Variants in GALNT13 observed in about 807,000 individuals in gnomAD.
The protein encoded by GALNT13 is UDP-GalNAc:polypeptide N-acetylgalactosaminyltransferase 13.
GALNT13 carries 28 observed loss-of-function variants against 64.2 expected under a neutral mutation model. The observed-to-expected ratio is 0.44, with a 90% confidence interval of 0.32 to 0.60. The LOEUF is 0.60. GALNT13 is among the 20% of genes least tolerant of loss of function. The pLI is 0.05. For synonymous variants in GALNT13, 214 were observed against 224.6 expected (o/e 0.95, Z 0.42); for missense variants, 577 against 669.8 (o/e 0.86, Z 1.53).
At chr2:154,140,591 C>A in intron 4 of GALNT13, 86 bp downstream of exon 4, 1 of 906,196 alleles carries the variant, frequency 1.1e-6, no homozygotes, top group Non-Finnish European at 1.7e-6. Context: ...CAGATTATAT[C>A]AATTCTAGCA....
the GALNT13 span, among the ~76,000 whole-genome samples, chr2:153,542,359 C>CACA: frequency 7.2e-5 from 4 of 55,612 alleles, no homozygotes; most frequent in African/African-American, 1.5e-4. Context: ...CACACACACA[C>CACA]AAAAAAAAAA....
chr2:153,711,431 TG>T, the GALNT13 span, among the ~76,000 whole-genome samples: 202 of 152,252 alleles, frequency 1.3e-3, 1 homozygote, highest in Middle Eastern at 6.8e-3. Context: ...CTAGGAACTA[TG>T]CCCAGCCCTT....
At chr2:153,292,499 A>T in the GALNT13 span, among the ~76,000 whole-genome samples, 1 of 152,166 alleles carries the variant, frequency 6.6e-6, no homozygotes, top group Non-Finnish European at 1.5e-5. Flanking sequence ...GACAGGAGGT[A>T]TGGCTTCAAG....
the GALNT13 span, among the ~76,000 whole-genome samples, chr2:153,178,195 C>T: frequency 6.6e-6 from 1 of 152,160 alleles, no homozygotes; most frequent in Non-Finnish European, 1.5e-5. Flanking sequence ...CTTTGACATA[C>T]TGACTTCAAA....
At chr2:153,681,177 G>A in the GALNT13 span, among the ~76,000 whole-genome samples, 2 of 151,792 alleles carry the variant, frequency 1.3e-5, no homozygotes, top group African/African-American at 2.4e-5. Flanking sequence ...TGAGGACAAA[G>A]CCCCAGTCCT....
At chr2:154,342,342 G>C (rs947808283) in intron 9 of GALNT13, among the ~76,000 whole-genome samples, 1 of 151,994 alleles carries the variant, frequency 6.6e-6, no homozygotes, top group African/African-American at 2.4e-5. Flanking sequence ...GAGTTCTTAA[G>C]TCAGCACATA....
intron 9 of GALNT13, among the ~76,000 whole-genome samples, chr2:154,327,953 A>C (rs1388801937): frequency 6.6e-6 from 1 of 152,044 alleles, no homozygotes; most frequent in East Asian, 1.9e-4. Context: ...TTTTCACTTT[A>C]TATTTTGTTA....
intron 4 of GALNT13, among the ~76,000 whole-genome samples, chr2:154,226,875 A>C (rs1324543509): frequency 6.6e-6 from 1 of 152,248 alleles, no homozygotes; most frequent in Non-Finnish European, 1.5e-5. Context: ...ATTTATATTG[A>C]TTTTATATTT....
At chr2:153,873,872 GTC>G (rs72565103) in intron 1 of GALNT13, among the ~76,000 whole-genome samples, 8 of 150,850 alleles carry the variant, frequency 5.3e-5, no homozygotes, top group Non-Finnish European at 4.4e-5. Flanking sequence ...CTGTCTCCCT[GTC>G]TCTCTCTCTC....
At position 154,061,980 on chromosome 2, in the gene GALNT13, G is replaced by C. The variant is rs548047758; in HGVS notation, c.143-78357G>C. Among the ~76,000 whole-genome samples the C allele has an allele frequency of 1.1e-4, 17 of 152,294 alleles. No individual in the cohort carries two copies. The South Asian group carries it at 2.9e-3, about 26-fold the overall frequency. ...TTGATATATGAAACACAGTTTGACT[G>C]AATGTATCTTTGGCTCATACTTTCA... On this transcript the variant is annotated intron_variant, in intron 3 of 12. Coordinates refer to ENST00000392825, the MANE Select transcript of GALNT13 (RefSeq NM_052917.4).
chr2:153,921,651 A>T (rs187859902), intron 2 of GALNT13, among the ~76,000 whole-genome samples: 3 of 152,144 alleles, frequency 2.0e-5, no homozygotes, highest in Non-Finnish European at 4.4e-5. Context: ...AATGCTTAAG[A>T]GTTTATGTAA....
chr2:154,450,339 C>G (rs1267313927), intron 12 of GALNT13, 72 bp from the exon 13 acceptor site: 54 of 1,369,796 alleles, frequency 3.9e-5, no homozygotes, highest in Non-Finnish European at 5.2e-5. Flanking sequence ...TTTTAAAGAA[C>G]AGATTTTATC....
At chr2:154,410,304 G>A (rs1271360551) in intron 11 of GALNT13, among the ~76,000 whole-genome samples, 1 of 151,952 alleles carries the variant, frequency 6.6e-6, no homozygotes, top group Non-Finnish European at 1.5e-5. Context: ...GACTAAATGT[G>A]TGAGGGTTTA....
intron 4 of GALNT13, among the ~76,000 whole-genome samples, chr2:154,155,706 C>T (rs1451127392): frequency 6.6e-6 from 1 of 151,908 alleles, no homozygotes; most frequent in African/African-American, 2.4e-5. Flanking sequence ...CAAAGTCTCC[C>T]TGTAGAAGCC....
chr2:153,557,159 A>T, the GALNT13 span, among the ~76,000 whole-genome samples: 1 of 151,876 alleles, frequency 6.6e-6, no homozygotes. Flanking sequence ...TACCTTTTCT[A>T]TGTTTAGATG....
At chr2:153,299,194 G>A in the GALNT13 span, among the ~76,000 whole-genome samples, 2 of 152,262 alleles carry the variant, frequency 1.3e-5, no homozygotes, top group African/African-American at 2.4e-5. Context: ...GAATATTGAT[G>A]ACAGAAAATT....
chr2:153,105,024 A>G, the GALNT13 span, among the ~76,000 whole-genome samples: 4 of 129,650 alleles, frequency 3.1e-5, no homozygotes, highest in African/African-American at 1.2e-4. Context: ...TCCTAATGCT[A>G]TCCCTCCCCC....
At chr2:153,322,403 C>T in the GALNT13 span, among the ~76,000 whole-genome samples, 1 of 152,036 alleles carries the variant, frequency 6.6e-6, no homozygotes, top group Non-Finnish European at 1.5e-5. Flanking sequence ...TTTCTTTATC[C>T]ATTCCATCAC....
chr2:154,307,375 A>G (rs1424763127), intron 9 of GALNT13, among the ~76,000 whole-genome samples: 2 of 152,172 alleles, frequency 1.3e-5, no homozygotes, highest in Admixed American at 1.3e-4. Flanking sequence ...TGGTATTTAT[A>G]TTTCTTAAGA....
Sources: gnomAD v4.1 joint callset for allele counts (sites outside exome capture counted in the v4.1 genomes callset) on GRCh38, gnomAD v4.1.1 for gene constraint, MANE v1.5 for transcripts, NCBI Gene and HGNC (gene_info 2026-07-23, HGNC 2026-07-21) for gene names.